CAPN9: variants seen among roughly 807,000 people sequenced by gnomAD.
CAPN9 encodes the protein calpain 9, also known as calpain-9.
A neutral mutation model predicts 92.8 loss-of-function variants in CAPN9; 81 were observed. The ratio of observed to expected loss-of-function variants is 0.87; its 90% CI spans 0.73 to 1.05. CAPN9 has a LOEUF of 1.05. CAPN9 is among the 50% of genes least tolerant of loss of function. The pLI, the probability that CAPN9 is intolerant of heterozygous loss-of-function variation, is 0.00. For synonymous variants in CAPN9, 304 were observed against 328.0 expected (o/e 0.93, Z 0.79); for missense variants, 848 against 866.2 (o/e 0.98, Z 0.26).
At chr1:230,796,653 A>G (rs1479720262) in intron 18 of CAPN9, among the ~76,000 whole-genome samples, 1 of 152,190 alleles carries the variant, frequency 6.6e-6, no homozygotes, top group Admixed American at 6.5e-5. Context: ...ACTGGTAGCT[A>G]GTGAGAGGTG....
At chr1:230,780,016 G>C (rs1667095106) in intron 9 of CAPN9, among the ~76,000 whole-genome samples, 163 bp from the exon 10 acceptor site, 1 of 152,082 alleles carries the variant, frequency 6.6e-6, no homozygotes, top group Admixed American at 6.6e-5. Flanking sequence ...TTATTGAACA[G>C]GGAGAGAAGG....
chr1:230,792,495 G>A lies in CAPN9; in HGVS notation c.1791+1G>A, dbSNP rs753632460. The A allele has an allele frequency of 3.1e-6, 5 of 1,612,890 alleles. No individual in the cohort carries two copies. The highest frequency in any genetic ancestry group is 2.2e-5 in the South Asian group (2 of 91,056). ...CTGGGACAAGCTGAAGCAGTGGATT[G>A]TATGTAACCTGGAGCAGGGCTTGGC... On this transcript the variant is annotated splice_donor_variant, in intron 16 of 19. Transcript: ENST00000271971. LOFTEE classifies it high-confidence loss of function.
chr1:230,761,268 C>T (rs1055090845), intron 3 of CAPN9, among the ~76,000 whole-genome samples: 3 of 152,180 alleles, frequency 2.0e-5, no homozygotes, highest in South Asian at 4.1e-4. Context: ...TCTTCCACTC[C>T]TCAGCCACAG....
chr1:230,769,146 C>A (rs540636304), intron 5 of CAPN9, 34 bp from the exon 6 acceptor site: 1 of 1,559,688 alleles, frequency 6.4e-7, no homozygotes, highest in Non-Finnish European at 8.8e-7. Flanking sequence ...TTGACTTAGA[C>A]GGTGGGTGTG....
At chr1:230,762,518 G>A (rs560476198) in intron 3 of CAPN9, 135 bp from the exon 4 acceptor site, 22 of 990,366 alleles carry the variant, frequency 2.2e-5, no homozygotes, top group South Asian at 1.8e-4. Flanking sequence ...CTTGGAACCC[G>A]TGTGTGATTT....
intron 11 of CAPN9, among the ~76,000 whole-genome samples, chr1:230,785,642 C>T (rs1019183520): frequency 6.6e-6 from 1 of 152,188 alleles, no homozygotes; most frequent in Non-Finnish European, 1.5e-5. Flanking sequence ...AGAAGCAGAA[C>T]GGATGCCAGC....
At chr1:230,748,897 AGTGGTAAGGGTTTTAT>A (rs1664593978) in intron 1 of CAPN9, among the ~76,000 whole-genome samples, 1 of 152,040 alleles carries the variant, frequency 6.6e-6, no homozygotes, top group African/African-American at 2.4e-5. Flanking sequence ...GTGTTTCCGA[AGTGGTAAGGGTTTTAT>A]TGCTATTTCC....
chr1:230,755,852 T>G (rs758927079), intron 2 of CAPN9, among the ~76,000 whole-genome samples: 1 of 152,048 alleles, frequency 6.6e-6, no homozygotes, highest in Non-Finnish European at 1.5e-5. Flanking sequence ...ACAGAGGTGG[T>G]AGACAGGCAA....
At chr1:230,757,719 CAAAA>C (rs35948414) in intron 2 of CAPN9, among the ~76,000 whole-genome samples, 1 of 104,308 alleles carries the variant, frequency 9.6e-6, no homozygotes, top group Non-Finnish European at 1.9e-5. Context: ...ACATCTCTAT[CAAAA>C]AAAAAAAAAA....
At chr1:230,747,954 C>T (rs1664533613) in intron 1 of CAPN9, among the ~76,000 whole-genome samples, 1 of 152,180 alleles carries the variant, frequency 6.6e-6, no homozygotes, top group Admixed American at 6.5e-5. Context: ...AGCTGTCTGA[C>T]TCCCACCGAG....
At chr1:230,798,829 G>C (rs2102944682) in intron 19 of CAPN9, among the ~76,000 whole-genome samples, 1 of 152,304 alleles carries the variant, frequency 6.6e-6, no homozygotes, top group South Asian at 2.1e-4. Context: ...ACTTAGGAGA[G>C]AGCGTTGGAA....
At chr1:230,791,137 C>T (rs1294447651) in intron 14 of CAPN9, among the ~76,000 whole-genome samples, 3 of 152,172 alleles carry the variant, frequency 2.0e-5, no homozygotes, top group African/African-American at 4.8e-5. Context: ...TTGGTGGCCA[C>T]GTGGGTTGTT....
intron 7 of CAPN9, among the ~76,000 whole-genome samples, chr1:230,773,880 A>AAAT (rs371540503): frequency 1.3e-5 from 2 of 152,096 alleles, no homozygotes. Context: ...AACTATTTGG[A>AAAT]GGCGGCTGTG....
intron 5 of CAPN9, 102 bp downstream of exon 5, chr1:230,767,811 A>G: frequency 9.2e-7 from 1 of 1,087,616 alleles, no homozygotes; most frequent in South Asian, 1.6e-5. Flanking sequence ...GCCACACCCA[A>G]GGAGGGGCAT....
chr1:230,750,458 T>C (rs1353017493), intron 1 of CAPN9, among the ~76,000 whole-genome samples: 1 of 152,198 alleles, frequency 6.6e-6, no homozygotes, highest in African/African-American at 2.4e-5. Flanking sequence ...CTTTACATCA[T>C]ATCTTACAGA....
intron 8 of CAPN9, among the ~76,000 whole-genome samples, chr1:230,777,782 G>A (rs534032448): frequency 6.6e-6 from 1 of 152,076 alleles, no homozygotes; most frequent in East Asian, 2.0e-4. Context: ...GATTGCGGGG[G>A]ACCACACGCC....
chr1:230,772,416 G>C (rs998261823), intron 7 of CAPN9, among the ~76,000 whole-genome samples: 1 of 152,188 alleles, frequency 6.6e-6, no homozygotes, highest in African/African-American at 2.4e-5. Flanking sequence ...TTTATCTGTA[G>C]TTGTGAGTAA....
intron 8 of CAPN9, among the ~76,000 whole-genome samples, chr1:230,775,700 G>A (rs891889009): frequency 2.0e-5 from 3 of 152,080 alleles, no homozygotes; most frequent in East Asian, 1.9e-4. Flanking sequence ...GGTGGATCAC[G>A]AGGTCAGGAG....
chr1:230,772,303 C>T (rs949101279), intron 7 of CAPN9, among the ~76,000 whole-genome samples: 3 of 152,228 alleles, frequency 2.0e-5, no homozygotes, highest in Admixed American at 2.0e-4. Context: ...TCAAGAAAGA[C>T]TTTTACAACA....
Sources: gnomAD v4.1 joint callset for allele counts (sites outside exome capture counted in the v4.1 genomes callset) on GRCh38, gnomAD v4.1.1 for gene constraint, MANE v1.5 for transcripts, NCBI Gene and HGNC (gene_info 2026-07-23, HGNC 2026-07-21) for gene names.